The following NOL8 variants were observed in gnomAD, a reference collection of about 807,000 sequenced individuals.
NOL8 encodes nucleolar protein Nop132.
Under a neutral mutation model 116.1 loss-of-function variants are expected in NOL8, and 93 were observed. That is an observed-to-expected ratio of 0.80 (90% CI 0.68 to 0.95). The LOEUF is 0.95. Ranked by LOEUF, NOL8 falls within the 40% of genes least tolerant of loss-of-function variation. NOL8 has a pLI of 0.00. For synonymous variants in NOL8, 419 were observed against 469.0 expected (o/e 0.89, Z 1.38); for missense variants, 1,291 against 1,382.8 (o/e 0.93, Z 1.05).
At chr9:92,305,857 G>A (rs1212289501) in intron 11 of NOL8, 27 bp from the exon 12 acceptor site, 5 of 1,524,304 alleles carry the variant, frequency 3.3e-6, no homozygotes, top group Non-Finnish European at 3.6e-6. Context: ...AGGGAGGTTG[G>A]AAGAGATAAA....
Position 92,315,267 on chromosome 9 carries a change from G to C in NOL8, c.1358C>G (p.Ser453Cys), listed in dbSNP as rs370678049. ...KSLNRKSPSHSSSSEDADSAS... is the reference protein window; with the variant it reads ...KSLNRKSPSHCSSSEDADSAS... Reference sequence around the variant, plus strand: ...AGAATCAGCATCTTCACTGCTACTGGAGTGAGAGGGAGATTTACGATTAAG... The same window carrying C: ...AGAATCAGCATCTTCACTGCTACTGCAGTGAGAGGGAGATTTACGATTAAG... Residue 453 changes from serine to cysteine, a missense_variant, in exon 7 of 17, where the codon TCC becomes TGC. By Grantham distance (112) the Ser-to-Cys change is moderately radical. Transcript: ENST00000442668. 1 of 1,613,782 alleles carries C rather than the reference G, an allele frequency of 6.2e-7. No homozygotes were observed. The highest frequency in any genetic ancestry group is 2.2e-5 in the East Asian group (1 of 44,878).
intron 2 of NOL8, among the ~76,000 whole-genome samples, 173 bp downstream of exon 2, chr9:92,323,847 TTTC>T (rs1840155413): frequency 6.6e-6 from 1 of 152,258 alleles, no homozygotes; most frequent in East Asian, 1.9e-4. Context: ...TTTGGAATTT[TTTC>T]TTATTTCAGA....
intron 7 of NOL8, among the ~76,000 whole-genome samples, chr9:92,312,339 A>T (rs1051957836): frequency 3.3e-5 from 5 of 150,814 alleles, no homozygotes; most frequent in Non-Finnish European, 7.4e-5. Flanking sequence ...CTGTAGTCCC[A>T]GCTACTCAGC....
rs1421308841 is a variant in NOL8, at chr9:92,311,257, A to G, written c.2361T>C (p.Asp787=). ...GCGTTGGCTTATCCTCTGGATGACC[A>G]TCCTAGGGAGGCCATCGAAAGCATT... ...KLVHNALANL[D]GHPEDKPTHI... The change falls in exon 8 of 17, where the codon GAT becomes GAC. Residue 787 remains aspartate, a splice_region_variant and synonymous_variant. Transcript: ENST00000442668. The G allele has an allele frequency of 3.7e-6, 6 of 1,609,988 alleles. No homozygotes were observed. The South Asian group carries it at 5.5e-5, about 15-fold the overall frequency.
rs759648957 is a variant in NOL8, at chr9:92,310,596, C to T, written c.2552G>A (p.Arg851Lys). 6.2e-7 allele frequency: 1 copy of T among 1,612,988 alleles called. No individual in the cohort carries two copies. The highest frequency in any genetic ancestry group is 8.5e-7 in the Non-Finnish European group (1 of 1,179,504). ...CTCAAACTGAGGTTTAATTTTGAAC[C>T]TATTACTGTCATCTTCAGAATCAGA... ...DESDSEDDSN[R>K]FKIKPQFEGR... The change falls in exon 9 of 17, where the codon AGG (arginine) becomes AAG (lysine). Residue 851 changes from arginine to lysine, a missense_variant. Physicochemically the swap from Arg to Lys is conservative, Grantham distance 26 (BLOSUM62 2). Coordinates refer to ENST00000442668, the MANE Select transcript of NOL8 (RefSeq NM_017948.6).
In NOL8 at chr9:92,316,008, C is replaced by A. The variant is rs764756656; in HGVS notation, c.617G>T (p.Arg206Leu). 1.7e-5 allele frequency: 28 copies of A among 1,613,928 alleles called. No homozygotes were observed. The East Asian group carries it at 4.9e-4, about 28-fold the overall frequency. ...EGGNDPMSKK[R>L]RGEFSDFHGP... ...ATGAAAGTCAGAGAACTCTCCTCGC[C>A]GTTTCTTACTCATAGGGTCATTCCC... Residue 206 changes from arginine (R) to leucine (L), a missense_variant, in exon 7 of 17, where the codon CGG becomes CTG. Physicochemically the swap from Arg to Leu is moderately radical, Grantham distance 102 (BLOSUM62 -2). Transcript: ENST00000442668.
At chr9:92,305,724 C>T in intron 12 of NOL8, 29 bp downstream of exon 12, 10 of 1,411,292 alleles carry the variant, frequency 7.1e-6, no homozygotes, top group Non-Finnish European at 1.0e-5. Context: ...TTACATGATC[C>T]TATTGCTAAA....
In NOL8 at chr9:92,314,888, TA is replaced by T; in HGVS notation, c.1736del (p.Leu579HisfsTer7). On this transcript the variant is annotated frameshift_variant, in exon 7 of 17. Coordinates refer to ENST00000442668, the MANE Select transcript of NOL8 (RefSeq NM_017948.6). LOFTEE classifies it high-confidence loss of function. ...ATTTTTTCATTGACTCCTTTTCATA[TA>T]GACAGCCTACTCCCTTGAAAGCCTG... The part of the protein sequence containing the change: ...KFQAFKGVGC[L>X]YEKESMKKSL... The T allele has an allele frequency of 6.2e-7, 1 of 1,613,742 alleles. No homozygotes were observed. Among genetic ancestry groups the T allele is most frequent in the Non-Finnish European group, 8.5e-7 (1 of 1,179,852 alleles).
chr9:92,300,228 C>T (rs893563961), intron 13 of NOL8: 5 of 1,206,000 alleles, frequency 4.1e-6, no homozygotes, highest in African/African-American at 1.6e-5. Context: ...TTTGGCATTG[C>T]TAGAATGATC....
At chr9:92,316,536 C>G (rs59274719) in intron 6 of NOL8, among the ~76,000 whole-genome samples, 4,651 of 152,276 alleles carry the variant, frequency 0.031, 253 homozygotes, top group African/African-American at 0.11. Flanking sequence ...ACATGTGTGT[C>G]CTTTACTCTC....
chr9:92,314,500 C>T lies in NOL8; in HGVS notation c.2125G>A (p.Glu709Lys). 1 of 1,613,598 alleles carries T rather than the reference C, an allele frequency of 6.2e-7. No homozygotes were observed. Among genetic ancestry groups the T allele is most frequent in the Non-Finnish European group, 8.5e-7 (1 of 1,179,640 alleles). Residue 709 changes from glutamate (E) to lysine (K), a missense_variant, in exon 7 of 17, where the codon GAA becomes AAA. By Grantham distance (56) the Glu-to-Lys change is moderately conservative. Transcript: ENST00000442668. ...HSTTKTEASQ[E>K]ERSDSSGLTS... is the part of the protein sequence containing the mutation. ...AGGCCGCTTGAATCAGACCGCTCTT[C>T]CTGTGAAGCTTCTGTCTTTGTGGTA...
chr9:92,306,782 C>T (rs905778270), intron 11 of NOL8, 104 bp downstream of exon 11: 2 of 1,045,200 alleles, frequency 1.9e-6, no homozygotes, highest in African/African-American at 1.6e-5. Flanking sequence ...ATATTGCCAG[C>T]TGCCTCCCCA....
Position 92,299,941 on chromosome 9 carries a change from G to C in NOL8, c.3251C>G (p.Ser1084Ter). 1 of 1,613,520 alleles carries C rather than the reference G, an allele frequency of 6.2e-7. No homozygotes were observed. The highest frequency in any genetic ancestry group is 8.5e-7 in the Non-Finnish European group (1 of 1,179,602). Residue 1084 changes from serine (S) to a stop codon, truncating the protein, a stop_gained, in exon 14 of 17, where the codon TCA becomes TGA. Transcript: ENST00000442668. LOFTEE classifies it high-confidence loss of function. ...TTCTTCAGTAACATCTTCCTCTTCTGAACTGCTGTCTTGTAAACGAGGGTC... is the reference window on the plus strand; with the variant it reads ...TTCTTCAGTAACATCTTCCTCTTCTCAACTGCTGTCTTGTAAACGAGGGTC... ...QEDPRLQDSS[S>*]EEEDVTEETD...
At chr9:92,324,526 A>G (rs1470439264) in intron 1 of NOL8, 1 of 160,904 alleles carries the variant, frequency 6.2e-6, no homozygotes, top group African/African-American at 2.4e-5. Flanking sequence ...TCCTTGACTC[A>G]CTCATACATT....
At position 92,305,678 on chromosome 9, in the gene NOL8, C is replaced by T. The variant is rs564322707; in HGVS notation, c.2903+75G>A. 4.6e-6 allele frequency: 5 copies of T among 1,075,354 alleles called. No homozygotes were observed. In the South Asian group the frequency reaches 5.2e-5, roughly 11 times the overall value. 66.6% of individuals were successfully genotyped at this position (1,075,354 alleles called of 1,614,324 possible). ...GGACCAATGAGTAGGATATTGGTTC[C>T]TACCTACATTTTTAATTGTCTGAAA... is the stretch of plus-strand genomic sequence containing the variant. On this transcript the variant is annotated intron_variant, in intron 12 of 16. Coordinates refer to ENST00000442668, the MANE Select transcript of NOL8 (RefSeq NM_017948.6).
chr9:92,310,601 A>G lies in NOL8; in HGVS notation c.2547T>C (p.Ser849=), dbSNP rs374170909. Residue 849 remains serine, a synonymous_variant, in exon 9 of 17, where the codon AGT becomes AGC. Coordinates refer to ENST00000442668, the MANE Select transcript of NOL8 (RefSeq NM_017948.6). ...ACTGAGGTTTAATTTTGAACCTATT[A>G]CTGTCATCTTCAGAATCAGATTCGT... The part of the protein sequence containing the change: ...DDDESDSEDD[S]NRFKIKPQFE... The G allele has an allele frequency of 8.4e-5, 135 of 1,613,154 alleles. No homozygotes were observed. The highest frequency in any genetic ancestry group is 1.1e-4 in the Non-Finnish European group (131 of 1,179,548).
rs769249614 is a variant in NOL8 at position 92,319,376 on chromosome 9, C to G, written c.282-20G>C. On this transcript the variant is annotated intron_variant, in intron 4 of 16. Transcript: ENST00000442668. ...GCCAATCTGAATCAAAAAGAAAATA[C>G]AAATAAAAGAGTCAAAATAATCAGC... 6.6e-7 allele frequency: 1 copy of G among 1,518,940 alleles called. No individual in the cohort carries two copies. Among genetic ancestry groups the G allele is most frequent in the African/African-American group, 1.4e-5 (1 of 69,024 alleles). 94.1% of individuals were successfully genotyped at this position (1,518,940 alleles called of 1,614,324 possible). A position where few individuals can be genotyped will look rare whatever the true frequency, so the allele number is the denominator to read the frequency against.
chr9:92,302,441 A>C (rs1370660933), intron 12 of NOL8, among the ~76,000 whole-genome samples: 1 of 152,238 alleles, frequency 6.6e-6, no homozygotes, highest in Admixed American at 6.5e-5. Flanking sequence ...AGACCAGGCC[A>C]AAGTTTGTAA....
chr9:92,307,022 C>A lies in NOL8; in HGVS notation c.2689G>T (p.Val897Leu), dbSNP rs1564212492. The A allele has an allele frequency of 4.4e-6, 7 of 1,607,634 alleles. No individual in the cohort carries two copies. Among genetic ancestry groups the A allele is most frequent in the Admixed American group, 1.7e-5 (1 of 59,136 alleles). The change falls in exon 11 of 17, where the codon GTA (valine) becomes TTA (leucine). Residue 897 changes from valine to leucine, a missense_variant and splice_region_variant. Transcript: ENST00000442668. Reference protein sequence around the residue: ...ETDSEEEQEEVNEKKTAEEEE... With the variant: ...ETDSEEEQEELNEKKTAEEEE... ...TCCTCAGCAGTTTTCTTTTCATTTA[C>A]CTCTTTGAGGAAAAGGGATAATTAA...
Sources: gnomAD v4.1 joint callset for allele counts (sites outside exome capture counted in the v4.1 genomes callset) on GRCh38, gnomAD v4.1.1 for gene constraint, MANE v1.5 for transcripts, NCBI Gene and HGNC (gene_info 2026-07-23, HGNC 2026-07-21) for gene names.